The following PTPRD variants were observed in gnomAD, a reference collection of about 807,000 sequenced individuals.
The protein encoded by PTPRD is receptor-type tyrosine-protein phosphatase delta.
A neutral mutation model predicts 214.5 loss-of-function variants in PTPRD; 34 were observed. That is an observed-to-expected ratio of 0.16 (90% CI 0.12 to 0.21). The LOEUF (loss-of-function observed/expected upper bound fraction) is 0.21, where lower values mean the gene tolerates loss of function less well. Ranked by LOEUF, PTPRD falls within the 10% of genes least tolerant of loss-of-function variation. The pLI is 1.00. For missense variants in PTPRD, 2,545 were observed against 2,398.7 expected (o/e 1.06, Z -1.27); for synonymous variants, 1,128 against 845.7 (o/e 1.33, Z -5.79).
At chr9:10,562,427 GT>G (rs2064263001) in intron 2 of PTPRD, among the ~76,000 whole-genome samples, 1 of 151,584 alleles carries the variant, frequency 6.6e-6, no homozygotes, top group Admixed American at 6.6e-5. Context: ...ATGTTTGTCT[GT>G]TTTGTTAAGG....
In PTPRD at chr9:9,323,376, G is replaced by C. The variant is rs534998715; in HGVS notation, c.-203+74073C>G. 9.2e-5 allele frequency among the ~76,000 whole-genome samples: 14 copies of C among 152,182 alleles called. No individual in the cohort carries two copies. The East Asian group carries it at 2.5e-3, about 27-fold the overall frequency. On this transcript the variant is annotated intron_variant, in intron 9 of 45. Transcript: ENST00000381196. Reference sequence around the variant, plus strand: ...ATTCTTGAACCAACCATGAGAGTTAGGTAGAAGTACAATTATCCTAACCTT... The same window carrying C: ...ATTCTTGAACCAACCATGAGAGTTACGTAGAAGTACAATTATCCTAACCTT...
Position 10,460,477 on chromosome 9 carries a change from T to C in PTPRD, c.-599-119460A>G, listed in dbSNP as rs555230398. Among the ~76,000 whole-genome samples, 4 of 149,772 alleles carry C rather than the reference T, an allele frequency of 2.7e-5. No individual in the cohort carries two copies. The East Asian group carries it at 7.8e-4, about 29-fold the overall frequency. The stretch of plus-strand genomic sequence containing the variant: ...CATCATACTTCCTGATTCAAAAGTA[T>C]ATTACAAAGCTATAGCAATCAAAAG... On this transcript the variant is annotated intron_variant, in intron 2 of 45. Transcript: ENST00000381196.
chr9:9,681,841 G>A (rs575300341), intron 7 of PTPRD, among the ~76,000 whole-genome samples: 1 of 151,898 alleles, frequency 6.6e-6, no homozygotes, highest in East Asian at 1.9e-4. Flanking sequence ...CATAAACCCA[G>A]CAGAGGGACT....
intron 12 of PTPRD, among the ~76,000 whole-genome samples, chr9:8,677,513 G>T (rs1220147255): frequency 6.6e-6 from 1 of 152,102 alleles, no homozygotes; most frequent in Non-Finnish European, 1.5e-5. Flanking sequence ...AGACAACAGG[G>T]CCTAATTGAG....
At chr9:8,784,766 A>G (rs1051379698) in intron 11 of PTPRD, among the ~76,000 whole-genome samples, 1 of 151,840 alleles carries the variant, frequency 6.6e-6, no homozygotes, top group Non-Finnish European at 1.5e-5. Flanking sequence ...TGTATCTTAA[A>G]CTCTCCATAC....
chr9:8,852,673 A>G (rs1199650697), intron 11 of PTPRD, among the ~76,000 whole-genome samples: 1 of 152,214 alleles, frequency 6.6e-6, no homozygotes, highest in Non-Finnish European at 1.5e-5. Context: ...CCAAACTGTC[A>G]TCTTTTTCAT....
chr9:9,332,420 TA>T (rs1210153525), intron 9 of PTPRD, among the ~76,000 whole-genome samples: 1 of 151,766 alleles, frequency 6.6e-6, no homozygotes, highest in Non-Finnish European at 1.5e-5. Context: ...TATCAATAAC[TA>T]AAAAAATAAC....
intron 3 of PTPRD, among the ~76,000 whole-genome samples, chr9:10,280,815 T>C (rs2095061370): frequency 1.3e-5 from 2 of 151,974 alleles, no homozygotes; most frequent in Non-Finnish European, 2.9e-5. Flanking sequence ...AGGTTCCACT[T>C]TGTTGTCCAG....
At chr9:9,222,637 A>T (rs921823065) in intron 9 of PTPRD, among the ~76,000 whole-genome samples, 1 of 152,046 alleles carries the variant, frequency 6.6e-6, no homozygotes, top group African/African-American at 2.4e-5. Flanking sequence ...AAACAGATGA[A>T]ATATGCAAAA....
At chr9:9,294,251 GA>G (rs768446724) in intron 9 of PTPRD, among the ~76,000 whole-genome samples, 4 of 151,662 alleles carry the variant, frequency 2.6e-5, no homozygotes, top group Admixed American at 1.3e-4. Flanking sequence ...CAGTTTACCA[GA>G]GATAACTAAA....
Position 10,509,567 on chromosome 9 carries a change from AT to A in PTPRD, c.-600+102830del, listed in dbSNP as rs1364873303. ...TACATTTAATAAATATTATATATAT[AT>A]ATATATATATATTTTACTCACTTAC... On this transcript the variant is annotated intron_variant, in intron 2 of 45. Coordinates refer to ENST00000381196, the MANE Select transcript of PTPRD (RefSeq NM_002839.4). Among the ~76,000 whole-genome samples the A allele has an allele frequency of 2.9e-5, 4 of 135,920 alleles. 1 individual carries two copies. The highest frequency in any genetic ancestry group is 1.6e-5 in the Non-Finnish European group (1 of 64,122). The allele number at this position is 135,920 out of a possible 152,430, so 89.2% of individuals were successfully genotyped here.
intron 3 of PTPRD, among the ~76,000 whole-genome samples, chr9:10,336,973 G>C (rs1188399906): frequency 6.6e-6 from 1 of 151,654 alleles, no homozygotes; most frequent in Non-Finnish European, 1.5e-5. Flanking sequence ...ATCCATTCAA[G>C]GTCGTAGTCA....
In PTPRD at chr9:9,734,239, G is replaced by A. The variant is rs373838226; in HGVS notation, c.-287+294C>T. ...ACCGCATAATCCTCTGTCCTATCACGAACTCTTTCAGTGGGGATTTAATTT... is the reference window on the plus strand; with the variant it reads ...ACCGCATAATCCTCTGTCCTATCACAAACTCTTTCAGTGGGGATTTAATTT... On this transcript the variant is annotated intron_variant, in intron 7 of 45. Coordinates refer to ENST00000381196, the MANE Select transcript of PTPRD (RefSeq NM_002839.4). Among the ~76,000 whole-genome samples, 46 of 152,080 alleles carry A rather than the reference G, an allele frequency of 3.0e-4. No homozygotes were observed. The East Asian group carries it at 4.4e-3, about 15-fold the overall frequency.
At chr9:9,788,870 A>T (rs1187506033) in intron 5 of PTPRD, among the ~76,000 whole-genome samples, 1 of 152,074 alleles carries the variant, frequency 6.6e-6, no homozygotes, top group Non-Finnish European at 1.5e-5. Flanking sequence ...CATGGTCTTC[A>T]TCTAGGGTCA....
At chr9:9,568,863 T>C (rs1409437875) in intron 8 of PTPRD, among the ~76,000 whole-genome samples, 2 of 151,824 alleles carry the variant, frequency 1.3e-5, no homozygotes, top group Non-Finnish European at 2.9e-5. Flanking sequence ...TCCAGGACTA[T>C]AAATTTCCTA....
chr9:8,543,366 C>T (rs982604511), intron 14 of PTPRD, among the ~76,000 whole-genome samples: 2 of 152,138 alleles, frequency 1.3e-5, no homozygotes, highest in African/African-American at 4.8e-5. Flanking sequence ...TCCACCAATC[C>T]CCCAACAGCC....
intron 9 of PTPRD, among the ~76,000 whole-genome samples, chr9:9,275,905 G>C (rs1273569531): frequency 6.6e-6 from 1 of 150,946 alleles, no homozygotes; most frequent in African/African-American, 2.4e-5. Flanking sequence ...ATGTCCCCAG[G>C]CCGTGAAGGA....
intron 11 of PTPRD, among the ~76,000 whole-genome samples, chr9:8,999,534 A>G (rs1366774658): frequency 6.6e-6 from 1 of 152,086 alleles, no homozygotes; most frequent in African/African-American, 2.4e-5. Context: ...CAGAACTTTT[A>G]TATGCTCTAG....
At chr9:9,281,168 A>G (rs1947556530) in intron 9 of PTPRD, among the ~76,000 whole-genome samples, 1 of 151,206 alleles carries the variant, frequency 6.6e-6, no homozygotes, top group African/African-American at 2.4e-5. Context: ...AGAAAATAAC[A>G]TAGGAGAAAA....
Sources: gnomAD v4.1 joint callset for allele counts (sites outside exome capture counted in the v4.1 genomes callset) on GRCh38, gnomAD v4.1.1 for gene constraint, MANE v1.5 for transcripts, NCBI Gene and HGNC (gene_info 2026-07-23, HGNC 2026-07-21) for gene names.